Variants in SLC16A5 observed in about 807,000 individuals in gnomAD.
SLC16A5 encodes monocarboxylate transporter 6.
In SLC16A5, 29 loss-of-function variants were observed where a neutral mutation model predicts 33.2. The observed-to-expected ratio is 0.87, with a 90% CI of 0.65 to 1.19. The LOEUF (loss-of-function observed/expected upper bound fraction) is 1.19. Among genes scored for constraint, SLC16A5 ranks in the 50% most tolerant of loss-of-function variants. The pLI, the probability that SLC16A5 is intolerant of heterozygous loss-of-function variation, is 0.00. For missense variants in SLC16A5, 606 were observed against 678.2 expected (o/e 0.89, Z 1.18); for synonymous variants, 248 against 284.1 (o/e 0.87, Z 1.28).
intron 5 of SLC16A5, among the ~76,000 whole-genome samples, chr17:75,103,021 G>C (rs557591507): frequency 4.1e-4 from 63 of 152,278 alleles, no homozygotes; most frequent in African/African-American, 1.5e-3. Flanking sequence ...CTCCAGAGTA[G>C]CTGGGACTAC....
chr17:75,104,350 C>T, intron 6 of SLC16A5, 170 bp downstream of exon 6: 1 of 1,429,360 alleles, frequency 7.0e-7, no homozygotes, highest in Non-Finnish European at 9.2e-7. Context: ...CCAGGCTCTG[C>T]AAGCTGGGAC....
chr17:75,094,812 C>T (rs1464602504), intron 3 of SLC16A5, among the ~76,000 whole-genome samples: 1 of 152,220 alleles, frequency 6.6e-6, no homozygotes, highest in Non-Finnish European at 1.5e-5. Flanking sequence ...TCTGCCCCTT[C>T]TCCTGGCTCT....
At chr17:75,092,028 G>GGGTGTGTGTGT (rs1555644932) in intron 2 of SLC16A5, among the ~76,000 whole-genome samples, 14 of 149,606 alleles carry the variant, frequency 9.4e-5, no homozygotes, top group African/African-American at 2.7e-4. Context: ...ATGTGAGGGG[G>GGGTGTGTGTGT]GTGTGTGTGT....
In SLC16A5 at chr17:75,104,149, G is replaced by C. The variant is rs767907328; in HGVS notation, c.1333G>C (p.Gly445Arg). 3.1e-6 allele frequency: 5 copies of C among 1,614,138 alleles called. No individual in the cohort carries two copies. The South Asian group carries it at 5.5e-5, about 18-fold the overall frequency. Residue 445 changes from glycine to arginine, a missense_variant, in exon 6 of 7, where the codon GGT becomes CGT. Transcript: ENST00000329783. Reference sequence around the variant, plus strand: ...GGATCTTTTCTTGGAAGCCAAAGACGGTCCTGGGAAGCAACGGTCCCCTGA... The same window carrying C: ...GGATCTTTTCTTGGAAGCCAAAGACCGTCCTGGGAAGCAACGGTCCCCTGA... ...ERDLFLEAKD[G>R]PGKQRSPEIM...
At chr17:75,098,002 A>G in intron 3 of SLC16A5, 36 bp from the exon 4 acceptor site, 1 of 1,566,720 alleles carries the variant, frequency 6.4e-7, no homozygotes, top group Non-Finnish European at 8.6e-7. Context: ...CCACCTCCTC[A>G]TTCAGCTGCT....
chr17:75,106,164 G>T, downstream of SLC16A5: 1 of 519,080 alleles, frequency 1.9e-6, no homozygotes, highest in South Asian at 3.5e-5. Context: ...AAAAGAAAAC[G>T]TAGGAGGTTG....
rs1427786392 is a variant in SLC16A5 at position 75,092,359 on chromosome 17, TC to T, written c.-48-1229del. 8.7e-5 allele frequency among the ~76,000 whole-genome samples: 13 copies of T among 149,366 alleles called. No homozygotes were observed. The East Asian group carries it at 2.3e-3, about 27-fold the overall frequency. The stretch of plus-strand genomic sequence containing the variant: ...ACTTTTTTGAGTGTCTAAGTGTGTG[TC>T]TTTTTTTTTTTTTTTGAGACAGAGT... On this transcript the variant is annotated intron_variant, in intron 2 of 6. Coordinates refer to ENST00000329783, the MANE Select transcript of SLC16A5 (RefSeq NM_004695.4).
At chr17:75,091,344 T>C (rs1423137660) in intron 2 of SLC16A5, among the ~76,000 whole-genome samples, 1 of 152,024 alleles carries the variant, frequency 6.6e-6, no homozygotes, top group African/African-American at 2.4e-5. Flanking sequence ...GCTAGTTTGC[T>C]GGAGAAGCCC....
chr17:75,100,380 C>T lies in SLC16A5; in HGVS notation c.717C>T (p.Cys239=), dbSNP rs200730771. The T allele has an allele frequency of 3.4e-4, 545 of 1,614,106 alleles. No homozygotes were observed. Among genetic ancestry groups the T allele is most frequent in the Non-Finnish European group, 4.4e-4 (514 of 1,180,054 alleles). ...FDILRHNTGY[C]VYILGVMWSV... is the part of the protein sequence containing the mutation. ...TCCTGCGGCACAACACAGGCTACTG[C>T]GTGTACATACTGGGTGTGATGTGGT... is the stretch of plus-strand genomic sequence containing the variant. Residue 239 remains cysteine, a synonymous_variant, in exon 5 of 7, where the codon TGC becomes TGT. Coordinates refer to ENST00000329783, the MANE Select transcript of SLC16A5 (RefSeq NM_004695.4).
intron 4 of SLC16A5, among the ~76,000 whole-genome samples, chr17:75,099,386 G>A (rs549271938): frequency 6.6e-6 from 1 of 152,214 alleles, no homozygotes; most frequent in South Asian, 2.1e-4. Context: ...GTCTTTGGAA[G>A]GTGTTAAGCC....
intron 5 of SLC16A5, 93 bp downstream of exon 5, chr17:75,100,909 T>A: frequency 7.9e-7 from 1 of 1,258,328 alleles, no homozygotes; most frequent in Non-Finnish European, 1.1e-6. Context: ...CCAGAGGTTG[T>A]GCTACAGCTG....
At chr17:75,098,240 G>A in intron 4 of SLC16A5, 59 bp downstream of exon 4, 1 of 1,605,398 alleles carries the variant, frequency 6.2e-7, no homozygotes, top group Non-Finnish European at 8.5e-7. Context: ...CCAGGCACAA[G>A]TGGACAGGGC....
chr17:75,095,881 G>A (rs1442822366), intron 3 of SLC16A5, among the ~76,000 whole-genome samples: 8 of 151,660 alleles, frequency 5.3e-5, no homozygotes, highest in South Asian at 4.2e-4. Flanking sequence ...GGATGGTCTC[G>A]ATCTCCTGAC....
At chr17:75,096,692 T>C (rs12940261) in intron 3 of SLC16A5, among the ~76,000 whole-genome samples, 114,824 of 150,742 alleles carry the variant, frequency 0.76, 44,323 homozygotes, top group African/African-American at 0.82. Flanking sequence ...CCACCACACC[T>C]GGCTAATTTT....
At chr17:75,105,239 C>T (rs1007430497) in intron 6 of SLC16A5, 38 of 985,316 alleles carry the variant, frequency 3.9e-5, no homozygotes, top group Non-Finnish European at 4.2e-5. Flanking sequence ...GGCCCCCCTG[C>T]AGTCTCAGCA....
At chr17:75,091,858 G>A (rs2073641446) in intron 2 of SLC16A5, among the ~76,000 whole-genome samples, 1 of 152,200 alleles carries the variant, frequency 6.6e-6, no homozygotes, top group African/African-American at 2.4e-5. Context: ...GGGGGCCAGG[G>A]CGCAGGAGGC....
At chr17:75,093,485 G>C in intron 2 of SLC16A5, 104 bp from the exon 3 acceptor site, 1 of 1,536,448 alleles carries the variant, frequency 6.5e-7, no homozygotes, top group Non-Finnish European at 8.7e-7. Context: ...CCTGGTACTT[G>C]GGTATGAGGA....
intron 2 of SLC16A5, among the ~76,000 whole-genome samples, chr17:75,093,009 G>A (rs1033273683): frequency 5.3e-5 from 8 of 152,098 alleles, no homozygotes; most frequent in Admixed American, 1.3e-4. Flanking sequence ...GCTGCTGGTT[G>A]GGTGCTTGTT....
chr17:75,099,750 T>G (rs2073765669), intron 4 of SLC16A5, among the ~76,000 whole-genome samples: 1 of 152,184 alleles, frequency 6.6e-6, no homozygotes, highest in Non-Finnish European at 1.5e-5. Context: ...AATTTGGGTT[T>G]TTAAAAGATA....
Sources: allele counts gnomAD v4.1 joint callset (sites outside exome capture counted in the v4.1 genomes callset), GRCh38; gene constraint gnomAD v4.1.1; transcripts MANE v1.5; gene names NCBI Gene and HGNC (gene_info 2026-07-23, HGNC 2026-07-21).